Variants in DAPP1 observed in about 807,000 individuals in gnomAD.
The protein encoded by DAPP1 is dual adapter for phosphotyrosine and 3-phosphotyrosine and 3-phosphoinositide.
In DAPP1, 20 loss-of-function variants were observed where a neutral mutation model predicts 41.5. The ratio of observed to expected loss-of-function variants is 0.48; its 90% CI spans 0.34 to 0.70. The LOEUF (loss-of-function observed/expected upper bound fraction) is 0.70. Among genes scored for constraint, DAPP1 ranks in the 30% least tolerant of loss-of-function variants. The pLI, the probability that DAPP1 is intolerant of heterozygous loss-of-function variation, is 0.01. For synonymous variants in DAPP1, 113 were observed against 116.2 expected, an observed-to-expected ratio of 0.97 and a Z score of 0.18; for missense variants, 233 against 333.4, an observed-to-expected ratio of 0.70 and a Z score of 2.35.
chr4:99,862,262 C>T (rs1284651291), intron 5 of DAPP1, among the ~76,000 whole-genome samples: 2 of 152,126 alleles, frequency 1.3e-5, no homozygotes, highest in Non-Finnish European at 2.9e-5. Flanking sequence ...CCTTCTAGAT[C>T]GAATGCTCCC....
intron 1 of DAPP1, among the ~76,000 whole-genome samples, chr4:99,826,406 T>C (rs1486069082): frequency 6.6e-6 from 1 of 152,230 alleles, no homozygotes; most frequent in Non-Finnish European, 1.5e-5. Flanking sequence ...CAGGAGTTTT[T>C]TTCCCACTTT....
At chr4:99,846,209 T>C (rs1386805436) in intron 3 of DAPP1, among the ~76,000 whole-genome samples, 1 of 152,204 alleles carries the variant, frequency 6.6e-6, no homozygotes. Context: ...GATTTATACA[T>C]GTCAACTCTT....
chr4:99,836,811 G>A (rs74780215), intron 2 of DAPP1, among the ~76,000 whole-genome samples: 19 of 152,342 alleles, frequency 1.2e-4, no homozygotes, highest in African/African-American at 4.3e-4. Flanking sequence ...TTATCTCACA[G>A]TTTCTGGCTG....
At chr4:99,836,374 G>T (rs1440132680) in intron 2 of DAPP1, among the ~76,000 whole-genome samples, 1 of 152,176 alleles carries the variant, frequency 6.6e-6, no homozygotes, top group East Asian at 1.9e-4. Flanking sequence ...GGCTGACCAA[G>T]CTTCTGGTAG....
intron 3 of DAPP1, among the ~76,000 whole-genome samples, chr4:99,850,125 T>A (rs1723802506): frequency 6.6e-6 from 1 of 152,166 alleles, no homozygotes; most frequent in African/African-American, 2.4e-5. Context: ...CAATAAAAAA[T>A]TAGGCCAGGC....
chr4:99,844,566 T>C (rs1723602690), intron 3 of DAPP1: 1 of 152,238 alleles, frequency 6.6e-6, no homozygotes, highest in African/African-American at 2.4e-5. Context: ...GAACAAAAAA[T>C]TACTTTTACC....
intron 3 of DAPP1, chr4:99,843,999 C>T (rs928589954): frequency 6.6e-6 from 1 of 152,160 alleles, no homozygotes; most frequent in African/African-American, 2.4e-5. Flanking sequence ...TTTTGTGTTG[C>T]ATGTATGCTC....
chr4:99,818,826 A>G (rs1346778852), intron 1 of DAPP1, among the ~76,000 whole-genome samples: 3 of 152,196 alleles, frequency 2.0e-5, no homozygotes, highest in African/African-American at 7.2e-5. Flanking sequence ...CTGGTTCTTG[A>G]CCTTGGCTGT....
At chr4:99,843,114 C>A (rs1342038926) in intron 3 of DAPP1, among the ~76,000 whole-genome samples, 1 of 152,158 alleles carries the variant, frequency 6.6e-6, no homozygotes, top group Admixed American at 6.5e-5. Context: ...CTCAGCCAGA[C>A]CCCACCCAGG....
Position 99,848,107 on chromosome 4 carries a change from G to A in DAPP1, c.359-5111G>A, listed in dbSNP as rs577157826. Among the ~76,000 whole-genome samples the A allele has an allele frequency of 1.0e-4, 15 of 148,156 alleles. 1 individual carries two copies. In the Middle Eastern group the frequency reaches 0.023, roughly 226 times the overall value. On this transcript the variant is annotated intron_variant, in intron 3 of 8. Coordinates refer to ENST00000512369, the MANE Select transcript of DAPP1 (RefSeq NM_014395.3). ...ATTACAGGCATGAGCCACCGCGCCC[G>A]GCTGATAAGTTTCTTTTGATTGGAA...
chr4:99,834,851 G>A (rs1319843199), intron 1 of DAPP1, among the ~76,000 whole-genome samples: 1 of 152,086 alleles, frequency 6.6e-6, no homozygotes, highest in East Asian at 1.9e-4. Context: ...GGTTCCTTCC[G>A]AGGGCCGTGA....
chr4:99,851,836 A>T (rs1224502076), intron 3 of DAPP1, among the ~76,000 whole-genome samples: 1 of 152,048 alleles, frequency 6.6e-6, no homozygotes, highest in East Asian at 1.9e-4. Flanking sequence ...TACAGATGTG[A>T]GCCACTGTGC....
At chr4:99,870,738 G>C (rs1260903136), downstream of DAPP1, among the ~76,000 whole-genome samples, 1 of 152,162 alleles carries the variant, frequency 6.6e-6, no homozygotes, top group Admixed American at 6.5e-5. Flanking sequence ...TTATCATTAA[G>C]ACAAAGTATT....
intron 3 of DAPP1, among the ~76,000 whole-genome samples, chr4:99,845,507 A>C (rs904363391): frequency 6.6e-6 from 1 of 152,234 alleles, no homozygotes; most frequent in Admixed American, 6.5e-5. Flanking sequence ...AATTTGGAAG[A>C]ATTTCTGCTA....
intron 1 of DAPP1, among the ~76,000 whole-genome samples, chr4:99,829,110 GT>G (rs149305446): frequency 7.9e-5 from 12 of 151,704 alleles, no homozygotes; most frequent in South Asian, 4.2e-4. Context: ...AGCAAATCTA[GT>G]TTTTTTTCTG....
chr4:99,865,971 T>TA (rs1724440164), intron 7 of DAPP1, 63 bp from the exon 8 acceptor site: 1 of 72,856 alleles, frequency 1.4e-5, no homozygotes, highest in Admixed American at 1.8e-4. Flanking sequence ...ATATATTATA[T>TA]ATATATATAT....
At position 99,835,748 on chromosome 4, in the gene DAPP1, A is replaced by G. The variant is rs1560693373; in HGVS notation, c.224+3A>G. 7 of 1,613,636 alleles carry G rather than the reference A, an allele frequency of 4.3e-6. No individual in the cohort carries two copies. Among genetic ancestry groups the G allele is most frequent in the Non-Finnish European group, 5.9e-6 (7 of 1,179,684 alleles). On this transcript the variant is annotated splice_donor_region_variant and intron_variant, in intron 2 of 8. Transcript: ENST00000512369. ...GGGCTGTACTCTCTCTCTGTGAGGTAAGGTGCTTCAGGGCTCTACGACTTC... is the reference window on the plus strand; with the variant it reads ...GGGCTGTACTCTCTCTCTGTGAGGTGAGGTGCTTCAGGGCTCTACGACTTC...
chr4:99,853,717 G>A (rs373740529), intron 4 of DAPP1, among the ~76,000 whole-genome samples: 9 of 152,184 alleles, frequency 5.9e-5, no homozygotes, highest in Admixed American at 2.6e-4. Flanking sequence ...TACTCAGGAG[G>A]CTAAGGTGGA....
chr4:99,858,091 C>T (rs146483543), intron 4 of DAPP1, among the ~76,000 whole-genome samples: 36 of 152,270 alleles, frequency 2.4e-4, no homozygotes, highest in Admixed American at 3.3e-4. Context: ...ATAGAGCCTT[C>T]CAAACTAGAA....
Sources: allele counts gnomAD v4.1 joint callset (sites outside exome capture counted in the v4.1 genomes callset), GRCh38; gene constraint gnomAD v4.1.1; transcripts MANE v1.5; gene names NCBI Gene and HGNC (gene_info 2026-07-23, HGNC 2026-07-21).